The following CNTNAP2 variants were observed in gnomAD, a reference collection of about 807,000 sequenced individuals.
CNTNAP2 encodes the protein contactin associated protein 2, also known as contactin-associated protein-like 2.
CNTNAP2 carries 98 observed loss-of-function variants against 155.2 expected under a neutral mutation model. That is an observed-to-expected ratio of 0.63 (90% confidence interval 0.54 to 0.75). The LOEUF is 0.75. Ranked by LOEUF, CNTNAP2 falls within the 30% of genes least tolerant of loss-of-function variation. CNTNAP2 has a pLI of 0.00. For synonymous variants in CNTNAP2, 651 were observed against 631.2 expected, an observed-to-expected ratio of 1.03 and a Z score of -0.47; for missense variants, 1,727 against 1,688.1, an observed-to-expected ratio of 1.02 and a Z score of -0.40.
chr7:146,276,133 T>C (rs943987755), intron 1 of CNTNAP2, among the ~76,000 whole-genome samples: 1 of 152,212 alleles, frequency 6.6e-6, no homozygotes, highest in African/African-American at 2.4e-5. Context: ...TTTGCAATGA[T>C]AGCTAGAACT....
rs1800848414 is a variant in CNTNAP2 at position 147,597,576 on chromosome 7, T to C, written c.1897+35319T>C. Among the ~76,000 whole-genome samples the C allele has an allele frequency of 2.0e-5, 3 of 152,174 alleles. No homozygotes were observed. In the South Asian group the frequency reaches 6.2e-4, roughly 32 times the overall value. On this transcript the variant is annotated intron_variant, in intron 12 of 23. Coordinates refer to ENST00000361727, the MANE Select transcript of CNTNAP2 (RefSeq NM_014141.6). Reference sequence around the variant, plus strand: ...TTTATTCACCACTAACAAGCCCCATTACCTGGGCCCATGGTAAGCAGCTTA... The same window carrying C: ...TTTATTCACCACTAACAAGCCCCATCACCTGGGCCCATGGTAAGCAGCTTA...
At chr7:147,205,891 G>T (rs182855768) in intron 8 of CNTNAP2, among the ~76,000 whole-genome samples, 21 of 151,980 alleles carry the variant, frequency 1.4e-4, no homozygotes, top group Non-Finnish European at 3.1e-4. Flanking sequence ...TAAAAGAGTG[G>T]AACTGGAAAG....
At chr7:148,065,496 T>A (rs1039672837) in intron 15 of CNTNAP2, among the ~76,000 whole-genome samples, 8 of 152,200 alleles carry the variant, frequency 5.3e-5, no homozygotes, top group Non-Finnish European at 1.2e-4. Flanking sequence ...TATTTAATAT[T>A]GTGATATTTT....
At chr7:148,307,506 G>T (rs145759713) in intron 21 of CNTNAP2, among the ~76,000 whole-genome samples, 6 of 152,104 alleles carry the variant, frequency 3.9e-5, no homozygotes, top group South Asian at 2.1e-4. Context: ...GCTCTAAAAA[G>T]GTTGTTATCA....
chr7:147,786,425 G>A (rs183050523), intron 13 of CNTNAP2, among the ~76,000 whole-genome samples: 120 of 152,256 alleles, frequency 7.9e-4, no homozygotes, highest in Middle Eastern at 3.4e-3. Flanking sequence ...ATGATGTGCC[G>A]GATGGCATGA....
intron 4 of CNTNAP2, among the ~76,000 whole-genome samples, chr7:147,060,725 G>A (rs761738911): frequency 1.3e-5 from 2 of 152,070 alleles, no homozygotes; most frequent in African/African-American, 4.8e-5. Flanking sequence ...TTAGCCAGGC[G>A]TGGTGGCGGG....
intron 3 of CNTNAP2, among the ~76,000 whole-genome samples, chr7:146,897,045 GGACAGAAATTAGTTTCATATTGAACAC>G (rs138918768): frequency 0.014 from 2,176 of 152,082 alleles, 48 homozygotes; most frequent in African/African-American, 0.049. Flanking sequence ...ATATTGCCCT[GGACAGAAATTAGTTTCATATTGAACAC>G]AAGTAACCTC....
At chr7:146,291,806 G>A (rs954913459) in intron 1 of CNTNAP2, among the ~76,000 whole-genome samples, 1 of 152,088 alleles carries the variant, frequency 6.6e-6, no homozygotes, top group Admixed American at 6.6e-5. Context: ...ATATCTATGA[G>A]GTATAAGTCT....
chr7:147,058,407 T>G (rs1360703760), intron 4 of CNTNAP2, among the ~76,000 whole-genome samples: 1 of 152,218 alleles, frequency 6.6e-6, no homozygotes, highest in Non-Finnish European at 1.5e-5. Flanking sequence ...CTATATTCTA[T>G]TCTATTATAG....
At chr7:146,714,845 C>A (rs1801159433) in intron 1 of CNTNAP2, among the ~76,000 whole-genome samples, 1 of 152,142 alleles carries the variant, frequency 6.6e-6, no homozygotes, top group African/African-American at 2.4e-5. Context: ...ATATATGGTC[C>A]TGTCCAGTGA....
rs150731415 is a variant in CNTNAP2 at position 146,466,184 on chromosome 7, G to A, written c.98-308087G>A. Among the ~76,000 whole-genome samples, 75 of 152,292 alleles carry A rather than the reference G, an allele frequency of 4.9e-4. 1 individual carries two copies. In the East Asian group the frequency reaches 0.014, roughly 27 times the overall value. On this transcript the variant is annotated intron_variant, in intron 1 of 23. Coordinates refer to ENST00000361727, the MANE Select transcript of CNTNAP2 (RefSeq NM_014141.6). ...TCTTGAATACCAAGTGAGGGGATTA[G>A]GTTCCCTTCACTTCCCTTTCTTTTT...
intron 21 of CNTNAP2, among the ~76,000 whole-genome samples, chr7:148,340,096 C>T (rs1798202465): frequency 1.3e-5 from 2 of 151,896 alleles, no homozygotes; most frequent in South Asian, 4.2e-4. Flanking sequence ...AATATTCTGG[C>T]ATGCTATAAA....
chr7:146,226,032 C>G (rs1030933574), intron 1 of CNTNAP2, among the ~76,000 whole-genome samples: 3 of 152,170 alleles, frequency 2.0e-5, no homozygotes, highest in African/African-American at 7.2e-5. Context: ...AAGAATGTAA[C>G]TAGATTTTTA....
chr7:146,869,411 G>A (rs952455668), intron 3 of CNTNAP2, among the ~76,000 whole-genome samples: 1 of 152,102 alleles, frequency 6.6e-6, no homozygotes, highest in African/African-American at 2.4e-5. Flanking sequence ...TGTGCTGCTG[G>A]TCTCAGTTTT....
At chr7:148,404,377 A>G (rs1301433666) in intron 22 of CNTNAP2, among the ~76,000 whole-genome samples, 3 of 152,250 alleles carry the variant, frequency 2.0e-5, no homozygotes, top group African/African-American at 4.8e-5. Flanking sequence ...GGACAAAGAA[A>G]AGGATAGTAA....
At chr7:147,579,694 T>C (rs969047361) in intron 12 of CNTNAP2, among the ~76,000 whole-genome samples, 15 of 152,288 alleles carry the variant, frequency 9.8e-5, no homozygotes, top group Admixed American at 9.2e-4. Context: ...CTTTTTAAAA[T>C]CTTATTCTCA....
intron 13 of CNTNAP2, chr7:147,704,464 G>C (rs1203937273): frequency 1.2e-5 from 2 of 166,066 alleles, no homozygotes; most frequent in African/African-American, 2.4e-5. Context: ...AAGCCACTGG[G>C]TAGTGGAAGA....
At chr7:147,192,076 A>G (rs1802690663) in intron 8 of CNTNAP2, among the ~76,000 whole-genome samples, 1 of 152,244 alleles carries the variant, frequency 6.6e-6, no homozygotes. Flanking sequence ...CATATATGTC[A>G]ATTAGTAAAT....
intron 1 of CNTNAP2, among the ~76,000 whole-genome samples, chr7:146,646,772 G>A (rs1799819275): frequency 6.6e-6 from 1 of 152,124 alleles, no homozygotes; most frequent in Middle Eastern, 3.2e-3. Flanking sequence ...ACCTGTTCAT[G>A]ATAATCACAT....
Sources: gnomAD v4.1 joint callset for allele counts (sites outside exome capture counted in the v4.1 genomes callset) on GRCh38, gnomAD v4.1.1 for gene constraint, MANE v1.5 for transcripts, NCBI Gene and HGNC (gene_info 2026-07-23, HGNC 2026-07-21) for gene names.